The following PAK1 variants were observed in gnomAD, a reference collection of about 807,000 sequenced individuals.
PAK1 encodes the protein serine/threonine-protein kinase PAK 1.
A neutral mutation model predicts 67.4 loss-of-function variants in PAK1; 29 were observed. That is an observed-to-expected ratio of 0.43 (90% CI 0.32 to 0.59). The LOEUF (loss-of-function observed/expected upper bound fraction) is 0.59. Among genes scored for constraint, PAK1 ranks in the 20% least tolerant of loss-of-function variants. The probability of loss-of-function intolerance (pLI) is 0.07; values close to 1 mark genes in which losing one functional copy is unlikely to be tolerated. For synonymous variants in PAK1, 223 were observed against 237.4 expected, an observed-to-expected ratio of 0.94 and a Z score of 0.56; for missense variants, 337 against 670.7, an observed-to-expected ratio of 0.50 and a Z score of 5.50.
At chr11:77,479,111 C>G (rs190828047), upstream of PAK1, among the ~76,000 whole-genome samples, 3 of 150,094 alleles carry the variant, frequency 2.0e-5, no homozygotes, top group Admixed American at 6.6e-5. Context: ...AAGTTAAGAT[C>G]TAAGCATTAG....
intron 5 of PAK1, among the ~76,000 whole-genome samples, chr11:77,362,313 A>T (rs1192338688): frequency 1.3e-5 from 2 of 152,180 alleles, no homozygotes; most frequent in Non-Finnish European, 2.9e-5. Flanking sequence ...TTCTAGTGAC[A>T]GATCTCAAAC....
At chr11:77,459,652 A>AAGT (rs1414249604) in intron 1 of PAK1, among the ~76,000 whole-genome samples, 1 of 152,006 alleles carries the variant, frequency 6.6e-6, no homozygotes, top group Non-Finnish European at 1.5e-5. Flanking sequence ...GAAAATAACA[A>AAGT]AGTGCTGTAA....
the PAK1 span, among the ~76,000 whole-genome samples, chr11:77,503,000 G>A: frequency 1.6e-4 from 25 of 152,260 alleles, no homozygotes; most frequent in African/African-American, 5.8e-4. Flanking sequence ...ATAACAACAT[G>A]AATTTCTCAA....
At chr11:77,505,314 A>G in the PAK1 span, among the ~76,000 whole-genome samples, 1 of 151,944 alleles carries the variant, frequency 6.6e-6, no homozygotes, top group African/African-American at 2.4e-5. Flanking sequence ...CAGCCTCCTG[A>G]GTAGCTGGGA....
intron 9 of PAK1, among the ~76,000 whole-genome samples, chr11:77,349,009 C>T (rs1459646684): frequency 1.3e-5 from 2 of 151,698 alleles, no homozygotes; most frequent in Admixed American, 6.6e-5. Context: ...CCTATAATCC[C>T]AGCTACTCAG....
At chr11:77,406,384 T>C (rs1329595477) in intron 1 of PAK1, among the ~76,000 whole-genome samples, 1 of 152,210 alleles carries the variant, frequency 6.6e-6, no homozygotes, top group African/African-American at 2.4e-5. Context: ...TATATCTCCC[T>C]CAATAAGTGA....
chr11:77,353,972 ATAAG>A (rs1322008721), intron 7 of PAK1, among the ~76,000 whole-genome samples: 1 of 152,218 alleles, frequency 6.6e-6, no homozygotes, highest in African/African-American at 2.4e-5. Context: ...GAGGAGACAG[ATAAG>A]TAAGCATAAA....
At chr11:77,402,684 C>A (rs1478737298) in intron 1 of PAK1, among the ~76,000 whole-genome samples, 1 of 152,114 alleles carries the variant, frequency 6.6e-6, no homozygotes, top group Non-Finnish European at 1.5e-5. Context: ...CGTACTGTCT[C>A]CTAGTTGGTT....
intron 11 of PAK1, 127 bp downstream of exon 11, chr11:77,340,519 G>C (rs1943439133): frequency 4.3e-6 from 3 of 690,766 alleles, no homozygotes; most frequent in Non-Finnish European, 8.0e-6. Flanking sequence ...AGGAATGATA[G>C]CAGTGTCAGC....
At chr11:77,516,182 T>C in the PAK1 span, among the ~76,000 whole-genome samples, 3 of 152,228 alleles carry the variant, frequency 2.0e-5, no homozygotes, top group Admixed American at 6.5e-5. Context: ...AGGCAGAAAT[T>C]CACCTAGTTT....
intron 1 of PAK1, among the ~76,000 whole-genome samples, chr11:77,426,508 C>T (rs1312548708): frequency 6.6e-6 from 1 of 152,100 alleles, no homozygotes; most frequent in African/African-American, 2.4e-5. Context: ...TAACACTTGC[C>T]AAAACTTATA....
chr11:77,445,201 C>T (rs1024954085), intron 1 of PAK1, among the ~76,000 whole-genome samples: 2 of 152,084 alleles, frequency 1.3e-5, no homozygotes, highest in Non-Finnish European at 2.9e-5. Flanking sequence ...ATCCATAAGC[C>T]AAGAAAGGCC....
chr11:77,466,301 A>C (rs1315695106), intron 1 of PAK1, among the ~76,000 whole-genome samples: 1 of 152,136 alleles, frequency 6.6e-6, no homozygotes, highest in Non-Finnish European at 1.5e-5. Context: ...ACACAGTAAT[A>C]ATTTTTAAAA....
At chr11:77,463,529 T>G (rs1358640919) in intron 1 of PAK1, among the ~76,000 whole-genome samples, 1 of 152,238 alleles carries the variant, frequency 6.6e-6, no homozygotes, top group Admixed American at 6.5e-5. Flanking sequence ...ACTTGGAAAC[T>G]TGTATTAATC....
chr11:77,501,155 A>C, the PAK1 span, among the ~76,000 whole-genome samples: 44 of 148,644 alleles, frequency 3.0e-4, no homozygotes, highest in South Asian at 5.7e-3. Context: ...CGTCTCAAAA[A>C]AAAAAACAAA....
chr11:77,404,750 C>T (rs940580739), intron 1 of PAK1, among the ~76,000 whole-genome samples: 1 of 152,204 alleles, frequency 6.6e-6, no homozygotes, highest in Non-Finnish European at 1.5e-5. Flanking sequence ...TTCCTTCACT[C>T]GTTCTCACCT....
At chr11:77,511,917 C>T in the PAK1 span, among the ~76,000 whole-genome samples, 2 of 152,046 alleles carry the variant, frequency 1.3e-5, no homozygotes, top group Admixed American at 6.6e-5. Context: ...GGTTGGGGGG[C>T]GTTCCACACC....
chr11:77,405,386 G>A (rs1343084089), intron 1 of PAK1, among the ~76,000 whole-genome samples: 1 of 152,156 alleles, frequency 6.6e-6, no homozygotes, highest in Non-Finnish European at 1.5e-5. Flanking sequence ...AGAACAGGCT[G>A]CAGGGGAACA....
At chr11:77,520,897 C>T in the PAK1 span, among the ~76,000 whole-genome samples, 1 of 152,050 alleles carries the variant, frequency 6.6e-6, no homozygotes, top group Non-Finnish European at 1.5e-5. Context: ...CTTATATACC[C>T]GAGTCCTGGC....
Sources: allele counts gnomAD v4.1 joint callset (sites outside exome capture counted in the v4.1 genomes callset), GRCh38; gene constraint gnomAD v4.1.1; transcripts MANE v1.5; gene names NCBI Gene and HGNC (gene_info 2026-07-23, HGNC 2026-07-21).